ZYG11A: variants seen among roughly 807,000 people sequenced by gnomAD.
ZYG11A encodes zyg-11 family member A, cell cycle regulator, also known as protein zyg-11 homolog A.
In ZYG11A, 62 loss-of-function variants were observed where a neutral mutation model predicts 77.2. The observed-to-expected ratio is 0.80, with a 90% CI of 0.65 to 0.99. The LOEUF (loss-of-function observed/expected upper bound fraction) is 0.99. ZYG11A is among the 50% of genes least tolerant of loss of function. The pLI is 0.00. For synonymous variants in ZYG11A, 315 were observed against 324.6 expected (o/e 0.97, Z 0.32); for missense variants, 828 against 896.8 (o/e 0.92, Z 0.98).
chr1:52,857,349 A>AAAT lies in ZYG11A; in HGVS notation c.608_609insAAT (p.Gln203_Leu204insMet). The AAAT allele has an allele frequency of 6.4e-7, 1 of 1,551,764 alleles. No homozygotes were observed. ...ACTGAAGACCTGGCTAATGTTTCTC[A>AAAT]GTTACCAAGACTGGAAAGCTTAGAT... On this transcript the variant is annotated inframe_insertion, in exon 3 of 14. Coordinates refer to ENST00000371528, the MANE Select transcript of ZYG11A (RefSeq NM_001004339.3).
At chr1:52,868,265 T>C (rs1557443919) in intron 8 of ZYG11A, among the ~76,000 whole-genome samples, 1 of 152,062 alleles carries the variant, frequency 6.6e-6, no homozygotes, top group East Asian at 1.9e-4. Context: ...TGCCTGGCCA[T>C]ACCTCCACAT....
chr1:52,846,326 ATAT>A, intron 1 of ZYG11A, among the ~76,000 whole-genome samples: 1 of 7,210 alleles, frequency 1.4e-4, no homozygotes, highest in East Asian at 2.5e-3. Flanking sequence ...ATATATATAT[ATAT>A]ATATATATAT....
rs1645712802 is a variant in ZYG11A, at chr1:52,851,617, C to T, written c.91-2848C>T. 3.3e-5 allele frequency among the ~76,000 whole-genome samples: 5 copies of T among 152,122 alleles called. No homozygotes were observed. In the South Asian group the frequency reaches 1.0e-3, roughly 32 times the overall value. On this transcript the variant is annotated intron_variant, in intron 1 of 13. Transcript: ENST00000371528. Reference sequence around the variant, plus strand: ...GTTTCAACATGTTGGCCAGGTTGGTCTCGAGCTCCTAACCTCAAATGATCA... The same window carrying T: ...GTTTCAACATGTTGGCCAGGTTGGTTTCGAGCTCCTAACCTCAAATGATCA...
chr1:52,865,088 G>A (rs758519289), intron 5 of ZYG11A, among the ~76,000 whole-genome samples: 1 of 152,012 alleles, frequency 6.6e-6, no homozygotes, highest in African/African-American at 2.4e-5. Context: ...GATTACAGGC[G>A]CATGCCACCA....
intron 13 of ZYG11A, among the ~76,000 whole-genome samples, chr1:52,891,907 T>G (rs1008520814): frequency 6.6e-6 from 1 of 151,634 alleles, no homozygotes; most frequent in African/African-American, 2.4e-5. Flanking sequence ...ACATCTGGTG[T>G]TTTTTATTTT....
chr1:52,858,466 C>G (rs1217454191), intron 3 of ZYG11A, among the ~76,000 whole-genome samples: 2 of 147,820 alleles, frequency 1.4e-5, no homozygotes, highest in African/African-American at 2.5e-5. Context: ...CCACCATGCC[C>G]AGCTAGTTTT....
intron 13 of ZYG11A, among the ~76,000 whole-genome samples, chr1:52,890,249 GTTTTTTTTTTTT>G (rs908467307): frequency 4.2e-5 from 3 of 71,662 alleles, no homozygotes; most frequent in Admixed American, 2.0e-4. Context: ...TTTTCTTTTA[GTTTTTTTTTTTT>G]TTTTTTTTTT....
Position 52,851,438 on chromosome 1 carries a change from C to G in ZYG11A, c.91-3027C>G, listed in dbSNP as rs1363606205. 2.6e-5 allele frequency among the ~76,000 whole-genome samples: 4 copies of G among 152,014 alleles called. No homozygotes were observed. The East Asian group carries it at 7.7e-4, about 29-fold the overall frequency. On this transcript the variant is annotated intron_variant, in intron 1 of 13. Coordinates refer to ENST00000371528, the MANE Select transcript of ZYG11A (RefSeq NM_001004339.3). ...TTTGAGACAGGGTCTCACTCTGTCACCCAGGCTGGAATGTAGTGGCGCGAT... is the reference window on the plus strand; with the variant it reads ...TTTGAGACAGGGTCTCACTCTGTCAGCCAGGCTGGAATGTAGTGGCGCGAT...
intron 4 of ZYG11A, among the ~76,000 whole-genome samples, chr1:52,863,531 A>G (rs112786394): frequency 0.014 from 2,198 of 152,286 alleles, 63 homozygotes; most frequent in African/African-American, 0.051. Flanking sequence ...CACTCTTTCC[A>G]TAACTACCTC....
chr1:52,890,047 C>T (rs1177432384), intron 13 of ZYG11A, among the ~76,000 whole-genome samples: 1 of 138,950 alleles, frequency 7.2e-6, no homozygotes, highest in Non-Finnish European at 1.5e-5. Context: ...TTGCTCATCA[C>T]TGCTTGTTTT....
At chr1:52,879,937 ATT>A (rs1014810400) in intron 10 of ZYG11A, among the ~76,000 whole-genome samples, 3 of 149,606 alleles carry the variant, frequency 2.0e-5, no homozygotes, top group Non-Finnish European at 4.4e-5. Context: ...TAATTTTTGT[ATT>A]TTTTTTAGTA....
chr1:52,849,875 G>C (rs1188619009), intron 1 of ZYG11A, among the ~76,000 whole-genome samples: 1 of 150,486 alleles, frequency 6.6e-6, no homozygotes, highest in Non-Finnish European at 1.5e-5. Flanking sequence ...TAGTAGAGAC[G>C]GGGTTTCACC....
intron 3 of ZYG11A, 84 bp downstream of exon 3, chr1:52,857,833 A>G: frequency 1.6e-6 from 2 of 1,212,410 alleles, no homozygotes; most frequent in Non-Finnish European, 2.2e-6. Flanking sequence ...TTTACTAGGT[A>G]TTAGGGTTAC....
At chr1:52,890,163 C>G (rs1646519217) in intron 13 of ZYG11A, among the ~76,000 whole-genome samples, 1 of 146,978 alleles carries the variant, frequency 6.8e-6, no homozygotes, top group South Asian at 2.2e-4. Context: ...CCTATTCTTA[C>G]TCTTAAATAA....
At chr1:52,888,387 C>A (rs1230048964) in intron 13 of ZYG11A, among the ~76,000 whole-genome samples, 1 of 152,154 alleles carries the variant, frequency 6.6e-6, no homozygotes, top group Non-Finnish European at 1.5e-5. Context: ...GACGGAGTTT[C>A]ACTCTTGTTG....
chr1:52,860,816 A>G lies in ZYG11A; in HGVS notation c.1094A>G (p.His365Arg), dbSNP rs1057395703. Residue 365 changes from histidine (H) to arginine (R), a missense_variant, in exon 4 of 14, where the codon CAC becomes CGC. Coordinates refer to ENST00000371528, the MANE Select transcript of ZYG11A (RefSeq NM_001004339.3). Reference protein sequence around the residue: ...NRSCFVKEALHRLFTETFSME... With the variant: ...NRSCFVKEALRRLFTETFSME... ...TCATGTTTTGTGAAGGAAGCCCTCCACAGGCTGTTCACAGAGACATTTTCA... is the reference window on the plus strand; with the variant it reads ...TCATGTTTTGTGAAGGAAGCCCTCCGCAGGCTGTTCACAGAGACATTTTCA... 3.2e-6 allele frequency: 5 copies of G among 1,551,688 alleles called. No individual in the cohort carries two copies. The highest frequency in any genetic ancestry group is 2.4e-5 in the East Asian group (1 of 40,930).
At chr1:52,879,976 G>A (rs1027305911) in intron 10 of ZYG11A, among the ~76,000 whole-genome samples, 3 of 151,296 alleles carry the variant, frequency 2.0e-5, no homozygotes, top group African/African-American at 7.3e-5. Context: ...ATGTTAGCCA[G>A]GATGGTCTCA....
At chr1:52,859,797 C>T (rs796336332) in intron 3 of ZYG11A, among the ~76,000 whole-genome samples, 20 of 150,336 alleles carry the variant, frequency 1.3e-4, no homozygotes, top group African/African-American at 4.9e-4. Flanking sequence ...CCTGGCTCAG[C>T]CTCCCTAGTA....
rs1192413872 is a variant in ZYG11A at position 52,894,130 on chromosome 1, C to CT, written c.*1174dup. The CT allele has an allele frequency of 4.6e-5, 7 of 152,010 alleles. No individual in the cohort carries two copies. The highest frequency in any genetic ancestry group is 2.1e-4 in the South Asian group (1 of 4,822). 9.4% of individuals were successfully genotyped at this position (152,010 alleles called of 1,614,324 possible). A position where few individuals can be genotyped will look rare whatever the true frequency, so the allele number is the denominator to read the frequency against. On this transcript the variant is annotated 3_prime_UTR_variant, in exon 14 of 14. Transcript: ENST00000371528. ...CTGGCCTTTTTACAATTTTGGGTGTCTATCTTTGGCATGTTTCCTGTTATG... is the reference window on the plus strand; with the variant it reads ...CTGGCCTTTTTACAATTTTGGGTGTCTTATCTTTGGCATGTTTCCTGTTATG...
Sources: allele counts gnomAD v4.1 joint callset (sites outside exome capture counted in the v4.1 genomes callset), GRCh38; gene constraint gnomAD v4.1.1; transcripts MANE v1.5; gene names NCBI Gene and HGNC (gene_info 2026-07-23, HGNC 2026-07-21).